The following STRN3 variants were observed in gnomAD, a reference collection of about 807,000 sequenced individuals.
The protein encoded by STRN3 is striatin-3.
Under a neutral mutation model 95.6 loss-of-function variants are expected in STRN3, and 29 were observed. That is an observed-to-expected ratio of 0.30 (90% CI 0.23 to 0.41). The LOEUF (loss-of-function observed/expected upper bound fraction) is 0.41, where lower values mean the gene tolerates loss of function less well. STRN3 is among the 10% of genes least tolerant of loss of function. The pLI is 1.00. For synonymous variants in STRN3, 331 were observed against 357.6 expected, an observed-to-expected ratio of 0.93 and a Z score of 0.84; for missense variants, 890 against 972.1, an observed-to-expected ratio of 0.92 and a Z score of 1.12.
In STRN3 at chr14:30,929,815, T is replaced by C. The variant is rs143549956; in HGVS notation, c.989-504A>G. Among the ~76,000 whole-genome samples the C allele has an allele frequency of 8.9e-3, 1,356 of 151,934 alleles. 18 individuals are homozygous for C. Among genetic ancestry groups the C allele is most frequent in the African/African-American group, 0.032 (1,306 of 41,448 alleles). On this transcript the variant is annotated intron_variant, in intron 7 of 17. Transcript: ENST00000357479. Reference sequence around the variant, plus strand: ...CTGTACTAATGGAGAGGCATTCTAGTCCAATATAATACATATAGTTCAAAA... The same window carrying C: ...CTGTACTAATGGAGAGGCATTCTAGCCCAATATAATACATATAGTTCAAAA...
rs552880629 is a variant in STRN3 at position 30,924,169 on chromosome 14, A to G, written c.1099+5032T>C. 2.7e-5 allele frequency among the ~76,000 whole-genome samples: 4 copies of G among 146,554 alleles called. 1 individual carries two copies. Among genetic ancestry groups the G allele is most frequent in the African/African-American group, 1.0e-4 (4 of 40,122 alleles). The stretch of plus-strand genomic sequence containing the variant: ...TCTTTGTTTAAATATATACTAATAT[A>G]TTTAAAGAGCAACATGTCTACAACT... On this transcript the variant is annotated intron_variant, in intron 8 of 17. Transcript: ENST00000357479.
At chr14:30,896,895 A>C (rs933751013) in intron 16 of STRN3, among the ~76,000 whole-genome samples, 1 of 152,226 alleles carries the variant, frequency 6.6e-6, no homozygotes. Context: ...TTAAAAGACA[A>C]GTTGTGAACA....
chr14:31,005,746 C>T (rs1882681735), intron 1 of STRN3, among the ~76,000 whole-genome samples: 1 of 152,192 alleles, frequency 6.6e-6, no homozygotes, highest in African/African-American at 2.4e-5. Flanking sequence ...TTTTACATAG[C>T]TAAAATTTTT....
At chr14:30,952,245 T>G (rs1156712169) in intron 3 of STRN3, among the ~76,000 whole-genome samples, 11 of 152,186 alleles carry the variant, frequency 7.2e-5, no homozygotes, top group Non-Finnish European at 7.3e-5. Context: ...AAGTTCCCAT[T>G]ATTAACATAA....
chr14:30,927,930 CAAAAAAAAAAA>C (rs56216107), intron 8 of STRN3, among the ~76,000 whole-genome samples: 6 of 85,108 alleles, frequency 7.0e-5, no homozygotes, highest in Admixed American at 1.5e-4. Context: ...GAGACTCCGT[CAAAAAAAAAAA>C]AAAAAAAAAA....
At chr14:30,937,036 C>T (rs548411263) in intron 5 of STRN3, among the ~76,000 whole-genome samples, 12 of 152,144 alleles carry the variant, frequency 7.9e-5, no homozygotes, top group African/African-American at 2.4e-4. Flanking sequence ...GTTTATCAGG[C>T]GGGGCCAGGG....
chr14:30,911,986 G>T (rs1896622910), intron 11 of STRN3, 21 bp downstream of exon 11: 1 of 1,602,366 alleles, frequency 6.2e-7, no homozygotes, highest in African/African-American at 1.3e-5. Context: ...AAATACACCA[G>T]GCTAACACTA....
intron 1 of STRN3, among the ~76,000 whole-genome samples, chr14:31,003,796 T>TTAAAAA (rs71112372): frequency 0.039 from 4,533 of 115,330 alleles, 311 homozygotes; most frequent in African/African-American, 0.1. Flanking sequence ...ACATCTTTCT[T>TTAAAAA]AAAAAAAAAA....
intron 16 of STRN3, among the ~76,000 whole-genome samples, chr14:30,896,997 A>G (rs1189387123): frequency 6.6e-6 from 1 of 152,242 alleles, no homozygotes; most frequent in Non-Finnish European, 1.5e-5. Context: ...AAACTGATTC[A>G]CTAGGCAGGC....
In STRN3 at chr14:30,907,043, C is replaced by A; in HGVS notation, c.1722G>T (p.Glu574Asp). ...CTAAAGTGCCAGCTAGAACATTTGGCTCTGGGGAAAAAACAAACAAACAAA... is the reference window on the plus strand; with the variant it reads ...CTAAAGTGCCAGCTAGAACATTTGGATCTGGGGAAAAAACAAACAAACAAA... Reference protein sequence around the residue: ...SPSVDPYDTYEPNVLAGTLVG... With the variant: ...SPSVDPYDTYDPNVLAGTLVG... Residue 574 changes from glutamate to aspartate, a missense_variant and splice_region_variant, in exon 14 of 18, where the codon GAG becomes GAT. Around this residue, in one of 3 missense-constraint regions of STRN3, gnomAD observed 357 missense variants for 422.8 expected, o/e 0.84. Transcript: ENST00000357479. 6.3e-7 allele frequency: 1 copy of A among 1,597,022 alleles called. No homozygotes were observed. Among genetic ancestry groups the A allele is most frequent in the South Asian group, 1.2e-5 (1 of 86,850 alleles).
intron 1 of STRN3, among the ~76,000 whole-genome samples, chr14:30,985,481 G>A (rs1250060403): frequency 6.6e-6 from 1 of 152,024 alleles, no homozygotes; most frequent in African/African-American, 2.4e-5. Context: ...GCGCATGCCT[G>A]TAGTTCCAGC....
chr14:30,968,675 T>C (rs1880668985), intron 1 of STRN3, among the ~76,000 whole-genome samples: 1 of 70,120 alleles, frequency 1.4e-5, no homozygotes, highest in Non-Finnish European at 2.9e-5. Context: ...GGAGACTCCA[T>C]CTCAAAAAAA....
chr14:30,912,013 G>T lies in STRN3; in HGVS notation c.1544C>A (p.Ala515Asp). 6.2e-7 allele frequency: 1 copy of T among 1,605,494 alleles called. No individual in the cohort carries two copies. The change falls in exon 11 of 18, where the codon GCC (alanine) becomes GAC (aspartate). Residue 515 changes from alanine (A) to aspartate (D), a missense_variant. Around this residue, in one of 3 missense-constraint regions of STRN3, gnomAD observed 357 missense variants for 422.8 expected, o/e 0.84. Transcript: ENST00000357479. ...KLWNLQKTVP[A>D]KKSASLDVEP... ...CTAACACTAAAATACTTGCTTTTTGGCAGGAACTGTTTTTTGCAGGTTCCA... is the reference window on the plus strand; with the variant it reads ...CTAACACTAAAATACTTGCTTTTTGTCAGGAACTGTTTTTTGCAGGTTCCA...
At chr14:30,957,338 A>T (rs1372741190) in intron 1 of STRN3, among the ~76,000 whole-genome samples, 7 of 151,452 alleles carry the variant, frequency 4.6e-5, no homozygotes, top group African/African-American at 7.3e-5. Context: ...CTGTAGTCCC[A>T]GCTGCTCGGG....
At chr14:30,897,311 G>A (rs1368043951) in intron 16 of STRN3, among the ~76,000 whole-genome samples, 1 of 152,214 alleles carries the variant, frequency 6.6e-6, no homozygotes, top group African/African-American at 2.4e-5. Context: ...TAGGCCAGCT[G>A]TGGGGGATCA....
chr14:30,986,566 T>C (rs893352185), intron 1 of STRN3, among the ~76,000 whole-genome samples: 1 of 152,214 alleles, frequency 6.6e-6, no homozygotes, highest in African/African-American at 2.4e-5. Flanking sequence ...TTACTTTCCA[T>C]ACTATGCAGA....
intron 5 of STRN3, among the ~76,000 whole-genome samples, chr14:30,942,547 A>T (rs927955594): frequency 6.6e-6 from 1 of 152,166 alleles, no homozygotes; most frequent in African/African-American, 2.4e-5. Flanking sequence ...AAACACGGTT[A>T]AAAAAAGAGG....
chr14:30,911,294 A>AATT, intron 12 of STRN3, 132 bp from the exon 13 acceptor site: 42 of 718,606 alleles, frequency 5.8e-5, no homozygotes, highest in Middle Eastern at 4.5e-4. Flanking sequence ...CCTGACTGGT[A>AATT]CTTTTTTTTT....
chr14:30,918,543 C>A (rs1896799498), intron 9 of STRN3, among the ~76,000 whole-genome samples: 1 of 151,760 alleles, frequency 6.6e-6, no homozygotes, highest in East Asian at 1.9e-4. Context: ...AGGTTCCAAG[C>A]ACAATGCCTG....
Sources: gnomAD v4.1 joint callset for allele counts (sites outside exome capture counted in the v4.1 genomes callset) on GRCh38, gnomAD v4.1.1 for gene constraint, gnomAD v4.1.1 regional missense constraint, MANE v1.5 for transcripts, NCBI Gene and HGNC (gene_info 2026-07-23, HGNC 2026-07-21) for gene names.